Variants in CREBRF observed in about 807,000 individuals in gnomAD.
CREBRF encodes CREB3 regulatory factor.
In CREBRF, 5 loss-of-function variants were observed where a neutral mutation model predicts 66.1. The ratio of observed to expected loss-of-function variants is 0.08; its 90% CI spans 0.04 to 0.16. The LOEUF (loss-of-function observed/expected upper bound fraction) is 0.16. Ranked by LOEUF, CREBRF falls within the 10% of genes least tolerant of loss-of-function variation. The pLI, the probability that CREBRF is intolerant of heterozygous loss-of-function variation, is 1.00. For synonymous variants in CREBRF, 229 were observed against 264.4 expected (o/e 0.87, Z 1.30); for missense variants, 531 against 744.9 (o/e 0.71, Z 3.34).
intron 5 of CREBRF, chr5:173,109,691 A>G (rs1391381606): frequency 6.6e-6 from 1 of 152,242 alleles, no homozygotes; most frequent in Non-Finnish European, 1.5e-5. Context: ...GTCAGTAAAC[A>G]GGTTATTCAC....
chr5:173,060,279 G>A (rs1243171896), intron 1 of CREBRF: 2 of 142,872 alleles, frequency 1.4e-5, no homozygotes, highest in Non-Finnish European at 3.0e-5. Flanking sequence ...TGCCCAGGTT[G>A]GAGTCCGGTG....
At chr5:173,106,437 A>G (rs1251915129) in intron 4 of CREBRF, among the ~76,000 whole-genome samples, 1 of 151,004 alleles carries the variant, frequency 6.6e-6, no homozygotes, top group Non-Finnish European at 1.5e-5. Flanking sequence ...CTCAAAAAAA[A>G]AAGAAGAGCC....
At chr5:173,113,304 C>A (rs940564444) in intron 7 of CREBRF, among the ~76,000 whole-genome samples, 6 of 145,102 alleles carry the variant, frequency 4.1e-5, no homozygotes, top group Admixed American at 2.8e-4. Context: ...CAAGATTATT[C>A]TTTTTTTTTT....
At position 173,100,118 on chromosome 5, in the gene CREBRF, G is replaced by A. The variant is rs425080; in HGVS notation, c.1223-8506G>A. ...TGTGTGTGTGTGTGTGTGTGTGTGT[G>A]TATATATATATAATTTTTTTTTTTT... is the stretch of plus-strand genomic sequence containing the variant. On this transcript the variant is annotated intron_variant, in intron 4 of 8. Coordinates refer to ENST00000296953, the MANE Select transcript of CREBRF (RefSeq NM_153607.3). Among the ~76,000 whole-genome samples, 716 of 88,160 alleles carry A rather than the reference G, an allele frequency of 8.1e-3. 6 individuals carry two copies. The highest frequency in any genetic ancestry group is 0.019 in the African/African-American group (379 of 20,392). 57.8% of individuals were successfully genotyped at this position (88,160 alleles called of 152,430 possible).
chr5:173,069,541 C>T (rs1439801497), intron 1 of CREBRF, among the ~76,000 whole-genome samples: 3 of 151,756 alleles, frequency 2.0e-5, no homozygotes, highest in East Asian at 1.9e-4. Context: ...AGGCTGGTCT[C>T]GAACTCCTGG....
intron 4 of CREBRF, among the ~76,000 whole-genome samples, chr5:173,096,605 T>C (rs1451732900): frequency 1.4e-5 from 2 of 146,540 alleles, no homozygotes; most frequent in Admixed American, 7.0e-5. Context: ...ATACATGGAA[T>C]AGTAGTTGAG....
In CREBRF at chr5:173,110,815, G is replaced by C; in HGVS notation, c.1607+104G>C. 4.0e-6 allele frequency: 3 copies of C among 752,480 alleles called. No homozygotes were observed. The South Asian group carries it at 6.5e-5, about 16-fold the overall frequency. The allele number at this position is 752,480 out of a possible 1,614,324, so 46.6% of individuals were successfully genotyped here. On this transcript the variant is annotated intron_variant, in intron 6 of 8. Transcript: ENST00000296953. The stretch of plus-strand genomic sequence containing the variant: ...ACAACAAAGAAATTGTATTTTTCTT[G>C]TATAAATACTACAATGAGAATATTA...
Position 173,135,316 on chromosome 5 carries a change from T to C in CREBRF, c.*1571T>C, listed in dbSNP as rs1759560401. On this transcript the variant is annotated 3_prime_UTR_variant, in exon 9 of 9. Coordinates refer to ENST00000296953, the MANE Select transcript of CREBRF (RefSeq NM_153607.3). ...GAGAAACATTAACACATTTAGTTTT[T>C]AGGTGCTCTTTTTTGCTCATATAAA... 1 of 152,546 alleles carries C rather than the reference T, an allele frequency of 6.6e-6. No homozygotes were observed. The highest frequency in any genetic ancestry group is 1.5e-5 in the Non-Finnish European group (1 of 67,944). The allele number at this position is 152,546 out of a possible 1,614,324, so 9.4% of individuals were successfully genotyped here.
chr5:173,056,455 C>T lies in CREBRF; in HGVS notation c.-216C>T. 2.5e-6 allele frequency: 1 copy of T among 398,510 alleles called. No homozygotes were observed. The highest frequency in any genetic ancestry group is 2.1e-5 in the African/African-American group (1 of 48,748). The allele number at this position is 398,510 out of a possible 1,614,324, so 24.7% of individuals were successfully genotyped here. On this transcript the variant is annotated 5_prime_UTR_variant, in exon 1 of 9. Transcript: ENST00000296953. ...CCCCTGCAGCGGAACCGGACCCAGT[C>T]CCTGAGCCGCCCCTACACCCACAGG...
intron 4 of CREBRF, among the ~76,000 whole-genome samples, chr5:173,098,262 A>G (rs1479267550): frequency 4.1e-5 from 6 of 147,512 alleles, no homozygotes; most frequent in Non-Finnish European, 1.5e-5. Context: ...ATCTCTGCTC[A>G]CTGCAAGCTC....
intron 6 of CREBRF, among the ~76,000 whole-genome samples, 154 bp from the exon 7 acceptor site, chr5:173,112,152 C>T (rs181505822): frequency 4.5e-4 from 68 of 152,042 alleles, no homozygotes; most frequent in African/African-American, 1.5e-3. Flanking sequence ...GCCTATAATC[C>T]CAGCACTTTA....
At chr5:173,115,465 C>T (rs1758967150) in intron 7 of CREBRF, among the ~76,000 whole-genome samples, 1 of 151,994 alleles carries the variant, frequency 6.6e-6, no homozygotes, top group Admixed American at 6.6e-5. Flanking sequence ...ATGGGAGAAC[C>T]CCATTGTTTT....
In CREBRF at chr5:173,091,044, G is replaced by T. The variant is rs753152974; in HGVS notation, c.865G>T (p.Ala289Ser). ...GCCTCTTCAAGGTCATGCCACTCCC[G>T]CTTTGCCTTTTAAAGAAACCCAGGA... is the stretch of plus-strand genomic sequence containing the variant. Reference protein sequence around the residue: ...MEPLQGHATPALPFKETQELL... With the variant: ...MEPLQGHATPSLPFKETQELL... Residue 289 changes from alanine to serine, a missense_variant, in exon 4 of 9, where the codon GCT becomes TCT. This residue lies in a region of CREBRF where 309 missense variants were observed against 341.4 expected (regional missense o/e 0.90). Transcript: ENST00000296953. 4 of 1,613,988 alleles carry T rather than the reference G, an allele frequency of 2.5e-6. No homozygotes were observed. The highest frequency in any genetic ancestry group is 3.4e-6 in the Non-Finnish European group (4 of 1,180,036).
At chr5:173,121,221 C>G (rs1759131126) in intron 7 of CREBRF, among the ~76,000 whole-genome samples, 1 of 152,202 alleles carries the variant, frequency 6.6e-6, no homozygotes, top group Admixed American at 6.5e-5. Flanking sequence ...TTGATCATTT[C>G]AAGGAACCAG....
chr5:173,057,988 T>C (rs1408593740), intron 1 of CREBRF, among the ~76,000 whole-genome samples: 1 of 152,056 alleles, frequency 6.6e-6, no homozygotes, highest in African/African-American at 2.4e-5. Flanking sequence ...TTTGGGACTT[T>C]TCTTGCGAAT....
At chr5:173,086,261 G>A in intron 2 of CREBRF, 2 of 701,494 alleles carry the variant, frequency 2.9e-6, no homozygotes, top group South Asian at 1.6e-5. Context: ...GTTGACCTCA[G>A]CTTCTCCACT....
chr5:173,108,542 C>A, intron 4 of CREBRF, 82 bp from the exon 5 acceptor site: 1 of 1,187,510 alleles, frequency 8.4e-7, no homozygotes, highest in Non-Finnish European at 1.2e-6. Flanking sequence ...TACCAAGTTA[C>A]AAATAGAAGG....
intron 1 of CREBRF, among the ~76,000 whole-genome samples, chr5:173,059,265 C>CTT (rs60946984): frequency 2.1e-4 from 14 of 65,580 alleles, no homozygotes; most frequent in Admixed American, 7.8e-4. Context: ...TCTTTTTTTT[C>CTT]TTTTTTTTTT....
At chr5:173,102,379 CA>C (rs1758647772) in intron 4 of CREBRF, among the ~76,000 whole-genome samples, 1 of 152,124 alleles carries the variant, frequency 6.6e-6, no homozygotes, top group Non-Finnish European at 1.5e-5. Context: ...GAAAGCCCTT[CA>C]CTTGTCAGGT....
Sources: gnomAD v4.1 joint callset for allele counts (sites outside exome capture counted in the v4.1 genomes callset) on GRCh38, gnomAD v4.1.1 for gene constraint, gnomAD v4.1.1 regional missense constraint, MANE v1.5 for transcripts, NCBI Gene and HGNC (gene_info 2026-07-23, HGNC 2026-07-21) for gene names.